The following PREPL variants were observed in gnomAD, a reference collection of about 807,000 sequenced individuals.
PREPL encodes the protein prolyl endopeptidase like, also known as prolyl endopeptidase-like.
A neutral mutation model predicts 70.6 loss-of-function variants in PREPL; 77 were observed. The observed-to-expected ratio is 1.09, with a 90% confidence interval of 0.91 to 1.32. The LOEUF is 1.32. PREPL is among the 40% of genes most tolerant of loss of function. The pLI is 0.00. For missense variants in PREPL, 1,002 were observed against 778.2 expected (o/e 1.29, Z -3.42); for synonymous variants, 315 against 264.8 (o/e 1.19, Z -1.84).
At chr2:44,354,024 G>A (rs918221761) in intron 1 of PREPL, among the ~76,000 whole-genome samples, 1 of 152,070 alleles carries the variant, frequency 6.6e-6, no homozygotes, top group Non-Finnish European at 1.5e-5. Context: ...AAAATTAGCT[G>A]GGCATAGTTG....
chr2:44,347,187 T>C (rs1029662249), intron 1 of PREPL: 17 of 151,918 alleles, frequency 1.1e-4, no homozygotes, highest in Non-Finnish European at 2.4e-4. Context: ...CAAAAAAATT[T>C]AGCCAGGTGT....
In PREPL at chr2:44,318,875, T is replaced by A. The variant is rs1380689005; in HGVS notation, c.*2481A>T. On this transcript the variant is annotated 3_prime_UTR_variant, in exon 14 of 14. Coordinates refer to ENST00000409411, the MANE Select transcript of PREPL (RefSeq NM_001171613.2). ...AAAACATTCCACCAAAAATCATGACTACGCATCTAACAGCTTCAAAATATA... is the reference window on the plus strand; with the variant it reads ...AAAACATTCCACCAAAAATCATGACAACGCATCTAACAGCTTCAAAATATA... 6.6e-6 allele frequency: 1 copy of A among 152,170 alleles called. No homozygotes were observed. The highest frequency in any genetic ancestry group is 2.4e-5 in the African/African-American group (1 of 41,442). 9.4% of individuals were successfully genotyped at this position (152,170 alleles called of 1,614,324 possible). A position where few individuals can be genotyped will look rare whatever the true frequency, so the allele number is the denominator to read the frequency against.
At position 44,354,670 on chromosome 2, in the gene PREPL, G is replaced by A. The variant is rs377369949; in HGVS notation, c.-49+6710C>T. On this transcript the variant is annotated intron_variant, in intron 1 of 13. Transcript: ENST00000409411. ...GATCACTGCAATCTCCACCTCCCGG[G>A]TTCAAGTGATTCTCCTTCCTCAGCG... Among the ~76,000 whole-genome samples the A allele has an allele frequency of 4.6e-3, 697 of 152,214 alleles. 6 individuals are homozygous for A. The highest frequency in any genetic ancestry group is 0.014 in the Middle Eastern group (4 of 292).
At chr2:44,343,651 T>A in intron 4 of PREPL, 94 bp downstream of exon 4, 1 of 1,116,064 alleles carries the variant, frequency 9.0e-7, no homozygotes, top group East Asian at 2.4e-5. Flanking sequence ...AATCAGGCAT[T>A]CACCTTCTCC....
At chr2:44,324,820 G>A (rs1388920775) in intron 10 of PREPL, among the ~76,000 whole-genome samples, 1 of 152,158 alleles carries the variant, frequency 6.6e-6, no homozygotes, top group Non-Finnish European at 1.5e-5. Flanking sequence ...CCCAGAGGTC[G>A]AGGCTGTAGT....
intron 7 of PREPL, among the ~76,000 whole-genome samples, chr2:44,334,488 G>A (rs4953087): frequency 0.67 from 101,275 of 152,094 alleles, 34,284 homozygotes; most frequent in African/African-American, 0.73. Flanking sequence ...TGATGGCATG[G>A]TGACCAAGGA....
Position 44,319,053 on chromosome 2 carries a change from T to A in PREPL, c.*2303A>T, listed in dbSNP as rs1204082521. 1 of 152,428 alleles carries A rather than the reference T, an allele frequency of 6.6e-6. No homozygotes were observed. The highest frequency in any genetic ancestry group is 2.4e-5 in the African/African-American group (1 of 41,476). 9.4% of individuals were successfully genotyped at this position (152,428 alleles called of 1,614,324 possible). ...CACTGAAACATGTGCTTTCATGCAT[T>A]ACCTAAGGCTAGAGAAAATGTTAAT... On this transcript the variant is annotated 3_prime_UTR_variant, in exon 14 of 14. Coordinates refer to ENST00000409411, the MANE Select transcript of PREPL (RefSeq NM_001171613.2).
At chr2:44,352,807 G>C (rs1453565330) in intron 1 of PREPL, among the ~76,000 whole-genome samples, 1 of 152,108 alleles carries the variant, frequency 6.6e-6, no homozygotes, top group African/African-American at 2.4e-5. Flanking sequence ...CAAATATGGA[G>C]AAGATATCTA....
chr2:44,336,037 TA>T (rs774547906), intron 7 of PREPL, among the ~76,000 whole-genome samples: 3 of 152,048 alleles, frequency 2.0e-5, no homozygotes, highest in Non-Finnish European at 2.9e-5. Context: ...TGACTGTAGT[TA>T]AAAAGTCAAA....
At chr2:44,347,247 G>C (rs1225908590) in intron 1 of PREPL, 2 of 152,150 alleles carry the variant, frequency 1.3e-5, no homozygotes, top group African/African-American at 4.8e-5. Context: ...AGGTGGGAGG[G>C]ATCACCTGAG....
chr2:44,359,413 G>A, intron 1 of PREPL: 1 of 1,035,408 alleles, frequency 9.7e-7, no homozygotes, highest in Non-Finnish European at 1.4e-6. Flanking sequence ...AAAATTAGTA[G>A]CTCTGATATT....
intron 13 of PREPL, 172 bp from the exon 14 acceptor site, chr2:44,321,617 A>C: frequency 6.8e-7 from 1 of 1,480,214 alleles, no homozygotes. Flanking sequence ...AGATTAAATT[A>C]TTTTCTTTAA....
chr2:44,349,723 G>A (rs13428161), intron 1 of PREPL, among the ~76,000 whole-genome samples: 2 of 152,106 alleles, frequency 1.3e-5, no homozygotes, highest in Non-Finnish European at 2.9e-5. Context: ...TCGGCACTTC[G>A]GGAGGCCAAG....
At position 44,321,011 on chromosome 2, in the gene PREPL, C is replaced by A; in HGVS notation, c.*345G>T. 1 of 382,334 alleles carries A rather than the reference C, an allele frequency of 2.6e-6. No homozygotes were observed. The highest frequency in any genetic ancestry group is 4.8e-6 in the Non-Finnish European group (1 of 208,184). The allele number at this position is 382,334 out of a possible 1,614,324, so 23.7% of individuals were successfully genotyped here. A position where few individuals can be genotyped will look rare whatever the true frequency, so the allele number is the denominator to read the frequency against. ...CTGCCACAGTGTCTAAAAGCATTTGCTAGCAAAGAGGCAGGACACTAATTT... is the reference window on the plus strand; with the variant it reads ...CTGCCACAGTGTCTAAAAGCATTTGATAGCAAAGAGGCAGGACACTAATTT... On this transcript the variant is annotated 3_prime_UTR_variant, in exon 14 of 14. Coordinates refer to ENST00000409411, the MANE Select transcript of PREPL (RefSeq NM_001171613.2).
Position 44,342,559 on chromosome 2 carries a change from G to T in PREPL, c.350-7C>A, listed in dbSNP as rs1395727998. 6 of 1,285,726 alleles carry T rather than the reference G, an allele frequency of 4.7e-6. No individual in the cohort carries two copies. In the African/African-American group the frequency reaches 8.6e-5, roughly 18 times the overall value. 79.6% of individuals were successfully genotyped at this position (1,285,726 alleles called of 1,614,324 possible). A position where few individuals can be genotyped will look rare whatever the true frequency, so the allele number is the denominator to read the frequency against. On this transcript the variant is annotated splice_polypyrimidine_tract_variant and splice_region_variant and intron_variant, in intron 4 of 13. Coordinates refer to ENST00000409411, the MANE Select transcript of PREPL (RefSeq NM_001171613.2). The stretch of plus-strand genomic sequence containing the variant: ...TCCTCGTCCTTTACCCATTCTGAAA[G>T]AAAATAATGAGATAATTATACATAA...
At position 44,336,683 on chromosome 2, in the gene PREPL, T is replaced by TA. The variant is rs936625485; in HGVS notation, c.888+1667dup. 1.5e-3 allele frequency among the ~76,000 whole-genome samples: 228 copies of TA among 150,684 alleles called. No homozygotes were observed. The Middle Eastern group carries it at 0.017, about 11-fold the overall frequency. ...CACATGTACCCCTGAAAGTAAAAGT[T>TA]AAAAAAAAAGAAATGCTATCTAAAA... On this transcript the variant is annotated intron_variant, in intron 7 of 13. Transcript: ENST00000409411.
At chr2:44,357,057 T>C (rs759261596) in intron 1 of PREPL, among the ~76,000 whole-genome samples, 6 of 152,220 alleles carry the variant, frequency 3.9e-5, no homozygotes, top group East Asian at 1.9e-4. Flanking sequence ...CTGCTCGCCT[T>C]GGCCTCCCAA....
intron 4 of PREPL, among the ~76,000 whole-genome samples, chr2:44,343,425 T>A (rs1675435687): frequency 6.6e-6 from 1 of 152,176 alleles, no homozygotes. Flanking sequence ...TTGAATAAAA[T>A]ATTAAGATGC....
rs1373558179 is a variant in PREPL, at chr2:44,332,610, G to T, written c.935C>A (p.Pro312Gln). The T allele has an allele frequency of 6.2e-7, 1 of 1,613,770 alleles. No homozygotes were observed. The highest frequency in any genetic ancestry group is 1.3e-5 in the African/African-American group (1 of 74,898). ...GCAAAGTTGAAAGGGGCAGTTCTTT[G>T]GGTCAGAATTTGTATCCATTATGAA... ...CGFIMDTNSD[P>Q]KNCPFQLCSP... The change falls in exon 8 of 14, where the codon CCA (proline) becomes CAA (glutamine). Residue 312 changes from proline (P) to glutamine (Q), a missense_variant. Coordinates refer to ENST00000409411, the MANE Select transcript of PREPL (RefSeq NM_001171613.2).
Sources: gnomAD v4.1 joint callset for allele counts (sites outside exome capture counted in the v4.1 genomes callset) on GRCh38, gnomAD v4.1.1 for gene constraint, MANE v1.5 for transcripts, NCBI Gene and HGNC (gene_info 2026-07-23, HGNC 2026-07-21) for gene names.